The following SH3D19 variants were observed in gnomAD, a reference collection of about 807,000 sequenced individuals.
SH3D19 encodes the protein SH3 domain containing 19, also known as SH3 domain-containing protein 19.
Under a neutral mutation model 112.1 loss-of-function variants are expected in SH3D19, and 58 were observed. The observed-to-expected ratio is 0.52, with a 90% CI of 0.42 to 0.64. The LOEUF is 0.64. SH3D19 is among the 30% of genes least tolerant of loss of function. SH3D19 has a pLI of 0.00. For missense variants in SH3D19, 1,090 were observed against 1,263.4 expected, an observed-to-expected ratio of 0.86 and a Z score of 2.08; for synonymous variants, 391 against 448.5, an observed-to-expected ratio of 0.87 and a Z score of 1.62.
chr4:151,137,765 A>C lies in SH3D19; in HGVS notation c.2394T>G (p.Ile798Met). 6.2e-7 allele frequency: 1 copy of C among 1,604,612 alleles called. No individual in the cohort carries two copies. The highest frequency in any genetic ancestry group is 1.1e-5 in the South Asian group (1 of 88,940). Residue 798 changes from isoleucine (I) to methionine (M), a missense_variant, in exon 14 of 20, where the codon ATT becomes ATG. Physicochemically the swap from Ile to Met is conservative, Grantham distance 10 (BLOSUM62 1). Coordinates refer to ENST00000604030, the MANE Select transcript of SH3D19 (RefSeq NM_001378122.1). ...DWYRGNCRNQ[I>M]GIFPANYVKV... Reference sequence around the variant, plus strand: ...TGACATAGTTGGCAGGAAATATGCCAATCTGGTTTCTACAGTTCCCTCTGT... The same window carrying C: ...TGACATAGTTGGCAGGAAATATGCCCATCTGGTTTCTACAGTTCCCTCTGT...
rs1580495257 is a variant in SH3D19 at position 151,325,268 on chromosome 4, G to C, written c.85C>G (p.Arg29Gly). The C allele has an allele frequency of 8.2e-7, 1 of 1,221,810 alleles. No individual in the cohort carries two copies. Among genetic ancestry groups the C allele is most frequent in the Non-Finnish European group, 1.0e-6 (1 of 981,484 alleles). The allele number at this position is 1,221,810 out of a possible 1,614,324, so 75.7% of individuals were successfully genotyped here. A position where few individuals can be genotyped will look rare whatever the true frequency, so the allele number is the denominator to read the frequency against. ...GCGGCCGAGTGGCCCGAGAGCGCACGGCCCCGGGCGCGGCGCTGGCCACCA... is the reference window on the plus strand; with the variant it reads ...GCGGCCGAGTGGCCCGAGAGCGCACCGCCCCGGGCGCGGCGCTGGCCACCA... The part of the protein sequence containing the change: ...ELGGQRRARG[R>G]ALSGHSAADR... Residue 29 changes from arginine (R) to glycine (G), a missense_variant, in exon 1 of 20, where the codon CGT (arginine) becomes GGT (glycine). Arg to Gly is a moderately radical substitution (Grantham distance 125). Coordinates refer to ENST00000604030, the MANE Select transcript of SH3D19 (RefSeq NM_001378122.1).
chr4:151,297,987 G>A (rs1775816273), intron 1 of SH3D19, among the ~76,000 whole-genome samples: 1 of 152,076 alleles, frequency 6.6e-6, no homozygotes, highest in Non-Finnish European at 1.5e-5. Context: ...GAATGAAGAT[G>A]CTACACTGTT....
intron 8 of SH3D19, among the ~76,000 whole-genome samples, chr4:151,161,636 A>T (rs71635791): frequency 0.67 from 98,114 of 146,192 alleles, 32,677 homozygotes; most frequent in East Asian, 0.75. Flanking sequence ...ATATATATAT[A>T]TATATTTTAA....
At chr4:151,282,394 A>G in intron 1 of SH3D19, 1 of 1,613,854 alleles carries the variant, frequency 6.2e-7, no homozygotes, top group African/African-American at 1.3e-5. Context: ...CCGGATGGGG[A>G]AAAGTTAAGG....
At chr4:151,316,842 C>G (rs765352252) in intron 1 of SH3D19, among the ~76,000 whole-genome samples, 1 of 152,198 alleles carries the variant, frequency 6.6e-6, no homozygotes, top group Non-Finnish European at 1.5e-5. Flanking sequence ...TCTGCCAGAG[C>G]CTTCTCCTTC....
chr4:151,168,488 G>A (rs967831258), intron 7 of SH3D19, among the ~76,000 whole-genome samples: 1 of 151,490 alleles, frequency 6.6e-6, no homozygotes, highest in Admixed American at 6.6e-5. Context: ...AGGCTGGAGC[G>A]CAGTGGTGCA....
chr4:151,226,479 T>G (rs1769019390), intron 1 of SH3D19: 1 of 989,114 alleles, frequency 1.0e-6, no homozygotes. Context: ...TGGCAGAAGC[T>G]TCTAACAGAA....
chr4:151,210,220 A>T (rs755524369), intron 2 of SH3D19, among the ~76,000 whole-genome samples: 1 of 152,176 alleles, frequency 6.6e-6, no homozygotes, highest in Non-Finnish European at 1.5e-5. Context: ...GGTCCATAAA[A>T]ATGTAGGTAT....
chr4:151,195,071 T>TAAAA (rs35607961), intron 2 of SH3D19, among the ~76,000 whole-genome samples: 1 of 123,364 alleles, frequency 8.1e-6, no homozygotes, highest in African/African-American at 3.2e-5. Flanking sequence ...AAGACCATCT[T>TAAAA]AAAAAAAAAA....
intron 3 of SH3D19, 47 bp downstream of exon 3, chr4:151,187,376 T>A (rs1427438997): frequency 9.0e-7 from 1 of 1,108,782 alleles, no homozygotes; most frequent in Non-Finnish European, 1.1e-6. Context: ...AATCATCACT[T>A]AAAATTATTA....
At chr4:151,167,650 C>T (rs1049980437) in intron 7 of SH3D19, among the ~76,000 whole-genome samples, 6 of 152,200 alleles carry the variant, frequency 3.9e-5, no homozygotes, top group African/African-American at 1.4e-4. Context: ...TTACGGCTTC[C>T]GCCCTGTCTG....
At chr4:151,134,968 T>C (rs2149744528) in intron 15 of SH3D19, 106 bp downstream of exon 15, 1 of 902,876 alleles carries the variant, frequency 1.1e-6, no homozygotes, top group Middle Eastern at 3.0e-4. Flanking sequence ...GATACAGGTC[T>C]GAGCCACCAT....
intron 1 of SH3D19, chr4:151,280,029 CA>C: frequency 6.6e-7 from 1 of 1,522,770 alleles, no homozygotes; most frequent in Non-Finnish European, 9.0e-7. Flanking sequence ...ATGAATGAAC[CA>C]AAAGACAAAT....
At position 151,132,484 on chromosome 4, in the gene SH3D19, A is replaced by G. The variant is rs930854538; in HGVS notation, c.2690-101T>C. 19 of 989,550 alleles carry G rather than the reference A, an allele frequency of 1.9e-5. No individual in the cohort carries two copies. In the African/African-American group the frequency reaches 3.1e-4, roughly 16 times the overall value. The allele number at this position is 989,550 out of a possible 1,614,324, so 61.3% of individuals were successfully genotyped here. A position where few individuals can be genotyped will look rare whatever the true frequency, so the allele number is the denominator to read the frequency against. ...GTTGAGGTGGGAGGTGGGAGTGAAG[A>G]CTCTGGGATTCCACTCCGGTCTCTT... is the stretch of plus-strand genomic sequence containing the variant. On this transcript the variant is annotated intron_variant, in intron 16 of 19. Coordinates refer to ENST00000604030, the MANE Select transcript of SH3D19 (RefSeq NM_001378122.1).
intron 1 of SH3D19, among the ~76,000 whole-genome samples, chr4:151,256,253 T>TGGCTGTGGGAAGGATAGTAGAA (rs1208381970): frequency 6.6e-6 from 1 of 152,212 alleles, no homozygotes; most frequent in Non-Finnish European, 1.5e-5. Flanking sequence ...TTGATACTTT[T>TGGCTGTGGGAAGGATAGTAGAA]GGCTCTGGAA....
At chr4:151,290,890 T>A (rs911473233) in intron 1 of SH3D19, among the ~76,000 whole-genome samples, 12 of 152,192 alleles carry the variant, frequency 7.9e-5, no homozygotes, top group Non-Finnish European at 1.0e-4. Flanking sequence ...CACAGACAAA[T>A]ATTTTGAAAT....
intron 1 of SH3D19, among the ~76,000 whole-genome samples, chr4:151,253,750 AAAAAAC>A (rs1396067631): frequency 1.3e-5 from 2 of 151,426 alleles, no homozygotes; most frequent in Non-Finnish European, 2.9e-5. Context: ...CAAAAAAAAA[AAAAAAC>A]AAGAAAACAA....
chr4:151,220,462 A>ATTTGTAGTAGAT (rs1248172951), intron 2 of SH3D19, among the ~76,000 whole-genome samples: 16 of 152,244 alleles, frequency 1.1e-4, no homozygotes, highest in Admixed American at 2.6e-4. Context: ...AGTAGATAAA[A>ATTTGTAGTAGAT]CATTTGAGAT....
chr4:151,161,633 TATA>T lies in SH3D19; in HGVS notation c.1643-2284_1643-2282del, dbSNP rs1490608232. Among the ~76,000 whole-genome samples, 525 of 142,132 alleles carry T rather than the reference TATA, an allele frequency of 3.7e-3. 2 individuals carry two copies. The highest frequency in any genetic ancestry group is 9.7e-3 in the African/African-American group (369 of 37,858). The allele number at this position is 142,132 out of a possible 152,430, so 93.2% of individuals were successfully genotyped here. ...TGTCTTTTATACATATATATATATA[TATA>T]TATATTTTAATTATACTTTAAGTTC... On this transcript the variant is annotated intron_variant, in intron 8 of 19. Coordinates refer to ENST00000604030, the MANE Select transcript of SH3D19 (RefSeq NM_001378122.1).
Sources: allele counts gnomAD v4.1 joint callset (sites outside exome capture counted in the v4.1 genomes callset), GRCh38; gene constraint gnomAD v4.1.1; transcripts MANE v1.5; gene names NCBI Gene and HGNC (gene_info 2026-07-23, HGNC 2026-07-21).